SEMA3G: variants seen among roughly 807,000 people sequenced by gnomAD.
The protein encoded by SEMA3G is semaphorin 3G.
Under a neutral mutation model 86.2 loss-of-function variants are expected in SEMA3G, and 70 were observed. That is an observed-to-expected ratio of 0.81 (90% CI 0.67 to 0.99). SEMA3G has a LOEUF of 0.99. SEMA3G is among the 50% of genes least tolerant of loss of function. SEMA3G has a pLI of 0.00. For missense variants in SEMA3G, 1,002 were observed against 1,072.4 expected, an observed-to-expected ratio of 0.93 and a Z score of 0.92; for synonymous variants, 416 against 441.4, an observed-to-expected ratio of 0.94 and a Z score of 0.72.
In SEMA3G at chr3:52,441,041, G is replaced by A. The variant is rs146544722; in HGVS notation, c.821C>T (p.Ala274Val). The change falls in exon 8 of 16, where the codon GCT becomes GTT. Residue 274 changes from alanine to valine, a missense_variant. Transcript: ENST00000231721. ...SRVGRVCVND[A>V]GGQRVLVNKW... ...GTTCACCAGCACCCGCTGGCCCCCA[G>A]CATCATTCTGCAGGATAAGGGGCCA... 165 of 1,593,966 alleles carry A rather than the reference G, an allele frequency of 1.0e-4. 1 individual carries two copies. The Admixed American group carries it at 1.4e-3, about 14-fold the overall frequency.
Position 52,444,148 on chromosome 3 carries a change from C to T in SEMA3G, c.115+765G>A, listed in dbSNP as rs551226707. Among the ~76,000 whole-genome samples the T allele has an allele frequency of 7.2e-5, 11 of 152,330 alleles. No individual in the cohort carries two copies. The East Asian group carries it at 2.1e-3, about 29-fold the overall frequency. On this transcript the variant is annotated intron_variant, in intron 1 of 15. Coordinates refer to ENST00000231721, the MANE Select transcript of SEMA3G (RefSeq NM_020163.3). ...ACCAAGGGATAGCATGCTGCCTGCT[C>T]TCCCGTTGGCCACCCTGGGCAAAAA...
In SEMA3G at chr3:52,434,051, C is replaced by T. The variant is rs1705999569; in HGVS notation, c.*1552G>A. On this transcript the variant is annotated 3_prime_UTR_variant, in exon 16 of 16. Coordinates refer to ENST00000231721, the MANE Select transcript of SEMA3G (RefSeq NM_020163.3). This position sits in a 1 kb window ranked among gnomAD's most constrained non-coding sequence, Gnocchi z 5.2. The stretch of plus-strand genomic sequence containing the variant: ...GGTAAGGGAAAGATAAAACCCAAGG[C>T]AGTCTGGGTTTGAGTTTCAATAGGG... 1 of 152,176 alleles carries T rather than the reference C, an allele frequency of 6.6e-6. No individual in the cohort carries two copies. Among genetic ancestry groups the T allele is most frequent in the African/African-American group, 2.4e-5 (1 of 41,430 alleles). The allele number at this position is 152,176 out of a possible 1,614,324, so 9.4% of individuals were successfully genotyped here.
intron 15 of SEMA3G, 21 bp from the exon 16 acceptor site, chr3:52,436,094 C>A: frequency 6.3e-7 from 1 of 1,589,872 alleles, no homozygotes; most frequent in Non-Finnish European, 8.6e-7. Context: ...GGCGGGAGGG[C>A]GTGAGTAGGG....
chr3:52,443,017 T>G, intron 1 of SEMA3G, 110 bp from the exon 2 acceptor site: 1 of 1,543,356 alleles, frequency 6.5e-7, no homozygotes, highest in Non-Finnish European at 8.7e-7. Flanking sequence ...CACACTCACA[T>G]CTGGAAAATG....
In SEMA3G at chr3:52,440,406, C is replaced by T. The variant is rs1200029039; in HGVS notation, c.1114G>A (p.Gly372Ser). ...CCAGGGCGAGGGAAGGGCACCTTGC[C>T]CCCATAGGGCCCCCACTGGTGCTGA... ...GPQHQWGPYG[G>S]KVPFPRPGVC... is the part of the protein sequence containing the mutation. Residue 372 changes from glycine to serine, a missense_variant, in exon 10 of 16, where the codon GGC becomes AGC. Gly to Ser is a moderately conservative substitution (Grantham distance 56, BLOSUM62 0). Transcript: ENST00000231721. 1.2e-5 allele frequency: 20 copies of T among 1,609,452 alleles called. No individual in the cohort carries two copies. Among genetic ancestry groups the T allele is most frequent in the Non-Finnish European group, 1.6e-5 (19 of 1,178,854 alleles).
Position 52,442,336 on chromosome 3 carries a change from T to C in SEMA3G, c.340-32A>G, listed in dbSNP as rs1200537688. On this transcript the variant is annotated intron_variant, in intron 3 of 15. Coordinates refer to ENST00000231721, the MANE Select transcript of SEMA3G (RefSeq NM_020163.3). The surrounding 1 kb of genome is among the most constrained non-coding windows in gnomAD (Gnocchi z 6.1). ...GGAGAAGGAGGGGGTGGTTGAGGGGTGAGAGGGGGTGCCCACCATCTCCTT... is the reference window on the plus strand; with the variant it reads ...GGAGAAGGAGGGGGTGGTTGAGGGGCGAGAGGGGGTGCCCACCATCTCCTT... 1.3e-6 allele frequency: 2 copies of C among 1,538,736 alleles called. No homozygotes were observed. The highest frequency in any genetic ancestry group is 1.1e-5 in the South Asian group (1 of 89,662).
In SEMA3G at chr3:52,434,648, T is replaced by C. The variant is rs905997584; in HGVS notation, c.*955A>G. 4 of 152,210 alleles carry C rather than the reference T, an allele frequency of 2.6e-5. No individual in the cohort carries two copies. The highest frequency in any genetic ancestry group is 4.8e-5 in the African/African-American group (2 of 41,432). The allele number at this position is 152,210 out of a possible 1,614,324, so 9.4% of individuals were successfully genotyped here. On this transcript the variant is annotated 3_prime_UTR_variant, in exon 16 of 16. Coordinates refer to ENST00000231721, the MANE Select transcript of SEMA3G (RefSeq NM_020163.3). The surrounding 1 kb of genome is among the most constrained non-coding windows in gnomAD (Gnocchi z 5.2). The stretch of plus-strand genomic sequence containing the variant: ...CTGCAGGGCTCACAGAGCCTCCACA[T>C]TCCCAGCCTCCAGGGCTGCGGCATG...
chr3:52,444,331 A>G (rs1706217853), intron 1 of SEMA3G, among the ~76,000 whole-genome samples: 2 of 150,964 alleles, frequency 1.3e-5, no homozygotes, highest in Non-Finnish European at 3.0e-5. Context: ...TCCCACCGCC[A>G]CCCTGGTCCT....
At chr3:52,444,680 C>T (rs1318823440) in intron 1 of SEMA3G, among the ~76,000 whole-genome samples, 1 of 143,484 alleles carries the variant, frequency 7.0e-6, no homozygotes, top group African/African-American at 2.6e-5. Context: ...ACACGGCACA[C>T]GCAAACTCGG....
chr3:52,444,464 G>C (rs559107), intron 1 of SEMA3G, among the ~76,000 whole-genome samples: 15 of 141,958 alleles, frequency 1.1e-4, no homozygotes, highest in South Asian at 4.6e-4. Flanking sequence ...CACACAAACA[G>C]GGCACACGCA....
In SEMA3G at chr3:52,435,949, C is replaced by T. The variant is rs780159666; in HGVS notation, c.2003G>A (p.Arg668His). 6.8e-6 allele frequency: 11 copies of T among 1,613,888 alleles called. No homozygotes were observed. The highest frequency in any genetic ancestry group is 5.3e-5 in the African/African-American group (4 of 74,942). Residue 668 changes from arginine to histidine, a missense_variant, in exon 16 of 16, where the codon CGC becomes CAC. Transcript: ENST00000231721. The stretch of plus-strand genomic sequence containing the variant: ...GGCCACAATCACCACCAGAGCCAGG[C>T]GGACCACAGTCTGGGAGAAGCCATG... ...LEHGFSQTVVRLALVVIVASQ... is the reference protein window; with the variant it reads ...LEHGFSQTVVHLALVVIVASQ...
chr3:52,439,810 A>T, intron 11 of SEMA3G, 39 bp from the exon 12 acceptor site: 1 of 1,609,020 alleles, frequency 6.2e-7, no homozygotes, highest in Non-Finnish European at 8.5e-7. Flanking sequence ...ACAGGAGGGG[A>T]CAGCCAGAGA....
chr3:52,438,319 T>C, intron 13 of SEMA3G, 120 bp from the exon 14 acceptor site: 1 of 1,402,086 alleles, frequency 7.1e-7, no homozygotes, highest in Non-Finnish European at 9.7e-7. Context: ...CCAGAACCTC[T>C]TGGATTCATT....
At chr3:52,440,212 C>A in intron 10 of SEMA3G, 114 bp from the exon 11 acceptor site, 2 of 1,202,062 alleles carry the variant, frequency 1.7e-6, no homozygotes, top group Non-Finnish European at 2.3e-6. Flanking sequence ...GGAGGGCTCT[C>A]CTCTTCCACT....
intron 12 of SEMA3G, among the ~76,000 whole-genome samples, chr3:52,439,467 G>C (rs1362979479): frequency 6.6e-6 from 1 of 152,206 alleles, no homozygotes; most frequent in Non-Finnish European, 1.5e-5. Context: ...TGGGCCTCCA[G>C]TCATTCATAA....
Position 52,433,992 on chromosome 3 carries a change from C to G in SEMA3G, c.*1611G>C, listed in dbSNP as rs1705998843. On this transcript the variant is annotated 3_prime_UTR_variant, in exon 16 of 16. Transcript: ENST00000231721. ...ATGGTCAAAGGGGAGAACGGAGGGA[C>G]TATTTCAGGTCCCAGTTCTCTGGAG... 6.6e-6 allele frequency: 1 copy of G among 152,156 alleles called. No individual in the cohort carries two copies. Among genetic ancestry groups the G allele is most frequent in the Non-Finnish European group, 1.5e-5 (1 of 68,026 alleles). 9.4% of individuals were successfully genotyped at this position (152,156 alleles called of 1,614,324 possible). A position where few individuals can be genotyped will look rare whatever the true frequency, so the allele number is the denominator to read the frequency against.
intron 1 of SEMA3G, among the ~76,000 whole-genome samples, chr3:52,444,091 A>AG (rs887496776): frequency 1.3e-5 from 2 of 152,096 alleles, no homozygotes; most frequent in African/African-American, 2.4e-5. Flanking sequence ...GTGGGCTGCA[A>AG]GGGGGGTCCT....
In SEMA3G at chr3:52,445,048, G is replaced by T. The variant is rs563833297; in HGVS notation, c.-21C>A. 4.4e-5 allele frequency: 56 copies of T among 1,262,942 alleles called. No homozygotes were observed. Among genetic ancestry groups the T allele is most frequent in the Non-Finnish European group, 5.4e-5 (54 of 998,748 alleles). 78.2% of individuals were successfully genotyped at this position (1,262,942 alleles called of 1,614,324 possible). A position where few individuals can be genotyped will look rare whatever the true frequency, so the allele number is the denominator to read the frequency against. On this transcript the variant is annotated 5_prime_UTR_variant, in exon 1 of 16. Transcript: ENST00000231721. Reference sequence around the variant, plus strand: ...GCCATGCTGGGGAACTGAGGGCACCGCTGCCGCCTGCCTGCAGAGCCGCCC... The same window carrying T: ...GCCATGCTGGGGAACTGAGGGCACCTCTGCCGCCTGCCTGCAGAGCCGCCC...
chr3:52,440,306 C>T lies in SEMA3G; in HGVS notation c.1143+71G>A, dbSNP rs1223242967. 1.0e-5 allele frequency: 15 copies of T among 1,451,724 alleles called. No homozygotes were observed. The East Asian group carries it at 3.6e-4, about 35-fold the overall frequency. The allele number at this position is 1,451,724 out of a possible 1,614,324, so 89.9% of individuals were successfully genotyped here. On this transcript the variant is annotated intron_variant, in intron 10 of 15. Coordinates refer to ENST00000231721, the MANE Select transcript of SEMA3G (RefSeq NM_020163.3). ...CGTGGGGGTGCATGGGGACATGAGG[C>T]CACTCCAAGGAGCCCTTCCCCACAT...
Sources: allele counts gnomAD v4.1 joint callset (sites outside exome capture counted in the v4.1 genomes callset), GRCh38; gene constraint gnomAD v4.1.1; non-coding constraint Gnocchi (gnomAD v3.1); transcripts MANE v1.5; gene names NCBI Gene and HGNC (gene_info 2026-07-23, HGNC 2026-07-21).